The following MTMR1 variants were observed in gnomAD, a reference collection of about 807,000 sequenced individuals.
MTMR1 encodes the protein phosphatidylinositol-3-phosphate phosphatase MTMR1.
Under a neutral mutation model 51.6 loss-of-function variants are expected in MTMR1, and 17 were observed. The ratio of observed to expected loss-of-function variants is 0.33; its 90% CI spans 0.23 to 0.49. MTMR1 has a LOEUF of 0.49. Among genes scored for constraint, MTMR1 ranks in the 20% least tolerant of loss-of-function variants. MTMR1 has a pLI of 0.99. For synonymous variants in MTMR1, 201 were observed against 205.6 expected (o/e 0.98, Z 0.19); for missense variants, 386 against 526.9 (o/e 0.73, Z 2.62).
At chrX:150,710,551 G>A (rs962876188) in intron 2 of MTMR1, among the ~76,000 whole-genome samples, 7 of 110,751 alleles carry the variant, frequency 6.3e-5, no homozygotes, top group Admixed American at 4.8e-4. Context: ...TAGTAGAGAC[G>A]GGTTTCACCA....
At position 150,763,197 on chromosome X, in the gene MTMR1, C is replaced by A. The variant is rs1557418161; in HGVS notation, c.*468C>A. On this transcript the variant is annotated 3_prime_UTR_variant, in exon 16 of 16. Transcript: ENST00000445323. ...CCACAGTTTTCTTCATGCACGGGGT[C>A]CTCCTGTTAACAATTACTGTTGTGT... 1 of 118,073 alleles carries A rather than the reference C, an allele frequency of 8.5e-6. No homozygotes were observed. Among genetic ancestry groups the A allele is most frequent in the African/African-American group, 3.2e-5 (1 of 31,106 alleles). The allele number at this position is 118,073 out of a possible 1,213,427, so 9.7% of individuals were successfully genotyped here. A position where few individuals can be genotyped will look rare whatever the true frequency, so the allele number is the denominator to read the frequency against.
intron 4 of MTMR1, among the ~76,000 whole-genome samples, chrX:150,721,179 ATT>A (rs1232801829): frequency 8.9e-6 from 1 of 111,810 alleles, no homozygotes; most frequent in Admixed American, 9.5e-5. Flanking sequence ...CATTTTATAA[ATT>A]TTTGGATTTG....
At chrX:150,742,902 TC>T (rs1235174445) in intron 12 of MTMR1, among the ~76,000 whole-genome samples, 6 of 110,702 alleles carry the variant, frequency 5.4e-5, no homozygotes, top group Non-Finnish European at 7.6e-5. Context: ...TATTTATGTT[TC>T]CACTTATATG....
chrX:150,718,607 T>TGCCAGGC lies in MTMR1; in HGVS notation c.277-18_277-17insGCCAGGC. 18 of 915,956 alleles carry TGCCAGGC rather than the reference T, an allele frequency of 2.0e-5. No individual in the cohort carries two copies. The highest frequency in any genetic ancestry group is 2.4e-5 in the Non-Finnish European group (17 of 719,572). 75.5% of individuals were successfully genotyped at this position (915,956 alleles called of 1,213,427 possible). A position where few individuals can be genotyped will look rare whatever the true frequency, so the allele number is the denominator to read the frequency against. On this transcript the variant is annotated splice_polypyrimidine_tract_variant and intron_variant, in intron 3 of 15. Transcript: ENST00000445323. ...TCCTTTTTTTTTTTTTTTTTTTTTT[T>TGCCAGGC]TTTTTTTTTTTTGCCAGGCTCTAAG... is the stretch of plus-strand genomic sequence containing the variant.
intron 1 of MTMR1, among the ~76,000 whole-genome samples, chrX:150,696,847 A>C (rs1284303223): frequency 9.0e-6 from 1 of 111,643 alleles, no homozygotes; most frequent in Non-Finnish European, 1.9e-5. Flanking sequence ...CAAGGGGAAA[A>C]GTCTGGGATT....
Position 150,712,322 on chromosome X carries a change from T to C in MTMR1, c.253-20T>C. On this transcript the variant is annotated intron_variant, in intron 2 of 15. Coordinates refer to ENST00000445323, the MANE Select transcript of MTMR1 (RefSeq NM_001306144.3). Reference sequence around the variant, plus strand: ...TAGTAACATGTCCATGATGATGATATTCTGTATTTTAACTAACAGGTTTTC... The same window carrying C: ...TAGTAACATGTCCATGATGATGATACTCTGTATTTTAACTAACAGGTTTTC... 1.7e-6 allele frequency: 2 copies of C among 1,161,009 alleles called. No individual in the cohort carries two copies. Among genetic ancestry groups the C allele is most frequent in the East Asian group, 3.3e-5 (1 of 30,680 alleles).
chrX:150,714,550 ATC>A (rs1224160189), intron 3 of MTMR1: 2 of 967,370 alleles, frequency 2.1e-6, no homozygotes, highest in Admixed American at 3.0e-5. Flanking sequence ...CTACGTGTTC[ATC>A]TGTTTGTAGC....
chrX:150,701,334 C>T (rs1286676700), intron 2 of MTMR1, among the ~76,000 whole-genome samples: 1 of 111,852 alleles, frequency 8.9e-6, no homozygotes, highest in African/African-American at 3.3e-5. Flanking sequence ...GGCATGGGAG[C>T]TATTGCATGG....
chrX:150,730,305 C>CCT, intron 7 of MTMR1, 95 bp downstream of exon 7: 1 of 596,245 alleles, frequency 1.7e-6, no homozygotes, highest in Non-Finnish European at 2.4e-6. Context: ...TTTTTTTTTT[C>CCT]CTCTCTTTTT....
intron 15 of MTMR1, among the ~76,000 whole-genome samples, chrX:150,762,013 C>A (rs782340216): frequency 7.1e-5 from 8 of 112,737 alleles, no homozygotes; most frequent in Admixed American, 3.7e-4. Context: ...TCCCCACCCC[C>A]CTGCCGGCAC....
intron 10 of MTMR1, among the ~76,000 whole-genome samples, chrX:150,734,489 AGTCT>A (rs782721811): frequency 2.1e-4 from 24 of 112,443 alleles, no homozygotes; most frequent in African/African-American, 7.1e-4. Context: ...TAGCTGTGTC[AGTCT>A]TTCTACATCT....
At chrX:150,693,295 G>T, upstream of MTMR1, 1 of 202,635 alleles carries the variant, frequency 4.9e-6, no homozygotes, top group Non-Finnish European at 7.4e-6. Context: ...GGGCGAGGTG[G>T]GGGTTCCCGG....
At chrX:150,715,201 G>A (rs1557416358) in intron 3 of MTMR1, among the ~76,000 whole-genome samples, 1 of 111,973 alleles carries the variant, frequency 8.9e-6, no homozygotes, top group Admixed American at 9.5e-5. Context: ...CAGTTTGAAA[G>A]CCACTGCTTT....
chrX:150,702,088 CTT>C (rs34358686), intron 2 of MTMR1, among the ~76,000 whole-genome samples: 1 of 94,877 alleles, frequency 1.1e-5, no homozygotes. Flanking sequence ...TTCTTTCTTT[CTT>C]TTTTTTTTTT....
intron 2 of MTMR1, among the ~76,000 whole-genome samples, chrX:150,711,436 G>A (rs1210394200): frequency 8.9e-6 from 1 of 112,447 alleles, no homozygotes; most frequent in Non-Finnish European, 1.9e-5. Context: ...AGGACATTCA[G>A]TGGTCAGAAG....
At position 150,755,815 on chromosome X, in the gene MTMR1, G is replaced by C. The variant is rs1557417738; in HGVS notation, c.1807G>C (p.Glu603Gln). The C allele has an allele frequency of 8.3e-7, 1 of 1,206,692 alleles. No individual in the cohort carries two copies. The highest frequency in any genetic ancestry group is 1.1e-6 in the Non-Finnish European group (1 of 893,472). ...TCCTGTTGCTAGTCTGAGTCATTTGGAATTGTGGGTAAATTATTATGTACG... is the reference window on the plus strand; with the variant it reads ...TCCTGTTGCTAGTCTGAGTCATTTGCAATTGTGGGTAAATTATTATGTACG... Reference protein sequence around the residue: ...LYPVASLSHLELWVNYYVRWN... With the variant: ...LYPVASLSHLQLWVNYYVRWN... Residue 603 changes from glutamate to glutamine, a missense_variant, in exon 15 of 16, where the codon GAA (glutamate) becomes CAA (glutamine). Coordinates refer to ENST00000445323, the MANE Select transcript of MTMR1 (RefSeq NM_001306144.3).
intron 2 of MTMR1, among the ~76,000 whole-genome samples, chrX:150,704,812 G>A (rs2041038308): frequency 9.0e-6 from 1 of 111,622 alleles, no homozygotes; most frequent in African/African-American, 3.3e-5. Context: ...AAAACATAAT[G>A]CCCCAAATGT....
intron 2 of MTMR1, among the ~76,000 whole-genome samples, chrX:150,706,358 C>T (rs1166288220): frequency 1.8e-5 from 2 of 112,074 alleles, no homozygotes; most frequent in African/African-American, 6.5e-5. Context: ...TCCAACAGTA[C>T]ACAGAGGTTC....
At chrX:150,742,090 G>T (rs940429303) in intron 12 of MTMR1, among the ~76,000 whole-genome samples, 9 of 112,224 alleles carry the variant, frequency 8.0e-5, no homozygotes, top group African/African-American at 2.3e-4. Flanking sequence ...ACAAAATGTG[G>T]TCTATATATA....
Sources: allele counts gnomAD v4.1 joint callset (sites outside exome capture counted in the v4.1 genomes callset), GRCh38; gene constraint gnomAD v4.1.1; transcripts MANE v1.5; gene names NCBI Gene and HGNC (gene_info 2026-07-23, HGNC 2026-07-21).